The following RBFOX2 variants were observed in gnomAD, a reference collection of about 807,000 sequenced individuals.
RBFOX2 encodes the protein RNA binding fox-1 homolog 2.
In RBFOX2, 10 loss-of-function variants were observed where a neutral mutation model predicts 49.1. The ratio of observed to expected loss-of-function variants is 0.20; its 90% CI spans 0.13 to 0.35. The LOEUF (loss-of-function observed/expected upper bound fraction) is 0.35, where lower values mean the gene tolerates loss of function less well. RBFOX2 is among the 10% of genes least tolerant of loss of function. The pLI, the probability that RBFOX2 is intolerant of heterozygous loss-of-function variation, is 1.00. For synonymous variants in RBFOX2, 183 were observed against 187.4 expected (o/e 0.98, Z 0.19); for missense variants, 323 against 486.9 (o/e 0.66, Z 3.17).
chr22:35,753,628 TA>T (rs918387208), intron 9 of RBFOX2, among the ~76,000 whole-genome samples: 159 of 142,382 alleles, frequency 1.1e-3, no homozygotes, highest in African/African-American at 1.8e-3. Context: ...GTTAGTAGAT[TA>T]AAAAAAAAAA....
At chr22:35,824,760 C>A (rs1419428463) in intron 1 of RBFOX2, among the ~76,000 whole-genome samples, 2 of 152,200 alleles carry the variant, frequency 1.3e-5, no homozygotes, top group African/African-American at 4.8e-5. Context: ...AGTTTTCACT[C>A]CACATTTCCT....
chr22:35,832,827 T>C (rs1012029892), intron 1 of RBFOX2, among the ~76,000 whole-genome samples: 2 of 152,090 alleles, frequency 1.3e-5, no homozygotes, highest in Non-Finnish European at 2.9e-5. Flanking sequence ...CTGGGCAACA[T>C]AGTGAGATTC....
At chr22:35,887,199 A>G (rs2046682875) in intron 1 of RBFOX2, among the ~76,000 whole-genome samples, 1 of 152,258 alleles carries the variant, frequency 6.6e-6, no homozygotes, top group Non-Finnish European at 1.5e-5. Flanking sequence ...GCTTTCCTAA[A>G]TAACTGAAGC....
chr22:35,868,867 T>C (rs1449049560), intron 1 of RBFOX2, among the ~76,000 whole-genome samples: 2 of 152,218 alleles, frequency 1.3e-5, no homozygotes, highest in Non-Finnish European at 2.9e-5. Flanking sequence ...TTCTTTAAGG[T>C]ATTGTTCCAT....
intron 1 of RBFOX2, among the ~76,000 whole-genome samples, chr22:35,959,406 T>C (rs1246332107): frequency 6.6e-6 from 1 of 152,218 alleles, no homozygotes; most frequent in African/African-American, 2.4e-5. Flanking sequence ...TGTATGATTA[T>C]CTATACACTG....
At chr22:35,745,124 T>C (rs1932025879) in intron 11 of RBFOX2, among the ~76,000 whole-genome samples, 3 of 152,240 alleles carry the variant, frequency 2.0e-5, no homozygotes, top group Non-Finnish European at 2.9e-5. Context: ...CATATTCCTT[T>C]AGGTCTTACA....
At chr22:36,024,845 T>C (rs1057139071) in intron 1 of RBFOX2, among the ~76,000 whole-genome samples, 1 of 152,132 alleles carries the variant, frequency 6.6e-6, no homozygotes, top group Non-Finnish European at 1.5e-5. Flanking sequence ...TTCGCTCTTG[T>C]TGCCCAGCCT....
intron 1 of RBFOX2, among the ~76,000 whole-genome samples, chr22:35,931,394 T>C (rs560511781): frequency 6.6e-6 from 1 of 151,992 alleles, no homozygotes; most frequent in South Asian, 2.1e-4. Context: ...GTTTTACTTC[T>C]GAACCATTTT....
At chr22:35,833,849 C>T (rs1957198893) in intron 1 of RBFOX2, among the ~76,000 whole-genome samples, 1 of 152,042 alleles carries the variant, frequency 6.6e-6, no homozygotes, top group African/African-American at 2.4e-5. Flanking sequence ...ATGTAAAGCA[C>T]TTAAGACAAT....
intron 6 of RBFOX2, among the ~76,000 whole-genome samples, chr22:35,762,470 G>C (rs982498643): frequency 3.4e-5 from 5 of 148,558 alleles, no homozygotes; most frequent in African/African-American, 1.2e-4. Context: ...ATAAATATAC[G>C]AATGAAAAGA....
At chr22:35,887,618 A>G (rs73161707) in intron 1 of RBFOX2, among the ~76,000 whole-genome samples, 2,827 of 152,042 alleles carry the variant, frequency 0.019, 41 homozygotes, top group Middle Eastern at 0.037. Context: ...TTCCTTCCCA[A>G]TACTGCTTCC....
At chr22:35,889,312 C>T (rs1468154315) in intron 1 of RBFOX2, among the ~76,000 whole-genome samples, 1 of 152,142 alleles carries the variant, frequency 6.6e-6, no homozygotes, top group African/African-American at 2.4e-5. Flanking sequence ...TCTGTCTTTC[C>T]TTCTGTTTCC....
chr22:35,897,149 T>C (rs2047953233), intron 1 of RBFOX2: 4 of 544,508 alleles, frequency 7.3e-6, no homozygotes, highest in Non-Finnish European at 1.3e-5. Context: ...AATGTTTTAA[T>C]GGTGGGATCT....
intron 1 of RBFOX2, among the ~76,000 whole-genome samples, chr22:35,881,255 C>T (rs1228992467): frequency 3.4e-5 from 5 of 147,870 alleles, no homozygotes; most frequent in African/African-American, 7.6e-5. Flanking sequence ...CAGAGTGAGA[C>T]TCCGTCTCGG....
intron 2 of RBFOX2, among the ~76,000 whole-genome samples, chr22:35,801,939 G>C (rs1232736966): frequency 6.6e-6 from 1 of 152,122 alleles, no homozygotes; most frequent in Admixed American, 6.5e-5. Context: ...TATAGAACTT[G>C]TGCTATCTCT....
chr22:35,884,000 C>CTTTTTTTTT (rs34644201), intron 1 of RBFOX2, among the ~76,000 whole-genome samples: 10 of 62,634 alleles, frequency 1.6e-4, no homozygotes, highest in African/African-American at 1.9e-4. Context: ...GTAGTTATCT[C>CTTTTTTTTT]TTTTTTTTTT....
intron 1 of RBFOX2, among the ~76,000 whole-genome samples, chr22:35,983,701 T>C (rs2057571119): frequency 6.6e-6 from 1 of 152,182 alleles, no homozygotes; most frequent in African/African-American, 2.4e-5. Flanking sequence ...GTCTCCAGTG[T>C]CCAACAGTGT....
At chr22:35,744,922 T>C (rs1376668945) in intron 11 of RBFOX2, among the ~76,000 whole-genome samples, 1 of 152,238 alleles carries the variant, frequency 6.6e-6, no homozygotes, top group Non-Finnish European at 1.5e-5. Flanking sequence ...CAGGAATGCA[T>C]CTTTCTCAGG....
At chr22:35,772,319 A>C (rs1349508362) in intron 4 of RBFOX2, among the ~76,000 whole-genome samples, 1 of 152,212 alleles carries the variant, frequency 6.6e-6, no homozygotes, top group Non-Finnish European at 1.5e-5. Flanking sequence ...AAATTTTCTA[A>C]TAACCACATT....
Sources: allele counts gnomAD v4.1 joint callset (sites outside exome capture counted in the v4.1 genomes callset), GRCh38; gene constraint gnomAD v4.1.1; transcripts MANE v1.5; gene names NCBI Gene and HGNC (gene_info 2026-07-23, HGNC 2026-07-21).